Variants in NRG2 observed in about 807,000 individuals in gnomAD.
NRG2 encodes pro-neuregulin-2, membrane-bound isoform.
NRG2 carries 27 observed loss-of-function variants against 73.9 expected under a neutral mutation model. That is an observed-to-expected ratio of 0.37 (90% CI 0.27 to 0.50). The LOEUF is 0.50. Among genes scored for constraint, NRG2 ranks in the 20% least tolerant of loss-of-function variants. The pLI is 0.96. For missense variants in NRG2, 1,126 were observed against 1,210.1 expected, an observed-to-expected ratio of 0.93 and a Z score of 1.03; for synonymous variants, 532 against 541.0, an observed-to-expected ratio of 0.98 and a Z score of 0.23.
chr5:140,034,465 G>A (rs893389012), intron 1 of NRG2, among the ~76,000 whole-genome samples: 1 of 151,968 alleles, frequency 6.6e-6, no homozygotes, highest in Non-Finnish European at 1.5e-5. Flanking sequence ...ATTCAACATT[G>A]CACTTTGGCA....
At chr5:140,031,839 G>C (rs764861599) in intron 1 of NRG2, among the ~76,000 whole-genome samples, 11 of 152,124 alleles carry the variant, frequency 7.2e-5, no homozygotes, top group Non-Finnish European at 1.6e-4. Context: ...CTGAAAGGTG[G>C]TGTCTAACAG....
intron 1 of NRG2, among the ~76,000 whole-genome samples, chr5:139,925,146 T>C (rs1751958177): frequency 6.6e-6 from 1 of 152,132 alleles, no homozygotes; most frequent in African/African-American, 2.4e-5. Context: ...AGTTCATCCA[T>C]AAGTTCTATT....
At chr5:139,964,116 T>C (rs1243412906) in intron 1 of NRG2, among the ~76,000 whole-genome samples, 1 of 152,196 alleles carries the variant, frequency 6.6e-6, no homozygotes, top group African/African-American at 2.4e-5. Flanking sequence ...GCAGGACCAT[T>C]GGTCACAAAA....
chr5:139,905,233 CACAAACCA>C (rs1442777459), intron 1 of NRG2, among the ~76,000 whole-genome samples: 2 of 152,216 alleles, frequency 1.3e-5, no homozygotes. Flanking sequence ...GCCCCGGTCC[CACAAACCA>C]TTGGGTAGGG....
At chr5:140,038,110 C>T (rs1761645350) in intron 1 of NRG2, among the ~76,000 whole-genome samples, 1 of 151,426 alleles carries the variant, frequency 6.6e-6, no homozygotes, top group African/African-American at 2.4e-5. Flanking sequence ...GCTACAGCTC[C>T]AAAAATATAA....
intron 1 of NRG2, among the ~76,000 whole-genome samples, chr5:139,967,974 A>T (rs1212923058): frequency 1.4e-5 from 2 of 144,418 alleles, no homozygotes; most frequent in African/African-American, 5.2e-5. Context: ...ATAAAACATA[A>T]AAATAAATAA....
Position 139,848,005 on chromosome 5 carries a change from TAGTA to T in NRG2, c.2461_2464del (p.Tyr821ThrfsTer45). Reference sequence around the variant, plus strand: ...CCGCGTGCTGTGGCTGTCCAGTGAGTAGTAAGTCCTGCTGTCGGCCGCCGGGCAC... The same window carrying T: ...CCGCGTGCTGTGGCTGTCCAGTGAGTAGTCCTGCTGTCGGCCGCCGGGCAC... On this transcript the variant is annotated frameshift_variant, in exon 10 of 10. Coordinates refer to ENST00000361474, the MANE Select transcript of NRG2 (RefSeq NM_004883.3). LOFTEE classifies it high-confidence loss of function. 6.6e-7 allele frequency: 1 copy of T among 1,513,888 alleles called. No individual in the cohort carries two copies. The allele number at this position is 1,513,888 out of a possible 1,614,324, so 93.8% of individuals were successfully genotyped here. A position where few individuals can be genotyped will look rare whatever the true frequency, so the allele number is the denominator to read the frequency against.
intron 1 of NRG2, among the ~76,000 whole-genome samples, chr5:139,946,840 T>C (rs1753830825): frequency 6.6e-6 from 1 of 152,130 alleles, no homozygotes; most frequent in Non-Finnish European, 1.5e-5. Context: ...ATTTCTTCTT[T>C]GGAGAAATGT....
At chr5:139,964,361 C>CAT (rs1755323340) in intron 1 of NRG2, among the ~76,000 whole-genome samples, 1 of 98,572 alleles carries the variant, frequency 1.0e-5, no homozygotes, top group Non-Finnish European at 2.0e-5. Flanking sequence ...TACAGATACA[C>CAT]ACACACACAC....
intron 1 of NRG2, among the ~76,000 whole-genome samples, chr5:139,905,740 C>T (rs568315026): frequency 2.6e-5 from 4 of 152,124 alleles, no homozygotes; most frequent in South Asian, 2.1e-4. Flanking sequence ...TGAGGGAGAG[C>T]GAGTACCCAC....
chr5:139,850,633 C>T (rs558340679), intron 9 of NRG2, among the ~76,000 whole-genome samples: 61 of 152,344 alleles, frequency 4.0e-4, no homozygotes, highest in Non-Finnish European at 7.6e-4. Context: ...TTTCCCTGCT[C>T]ACCTCCTACA....
At position 139,967,039 on chromosome 5, in the gene NRG2, C is replaced by T. The variant is rs148547611; in HGVS notation, c.700+75331G>A. On this transcript the variant is annotated intron_variant, in intron 1 of 9. Transcript: ENST00000361474. Reference sequence around the variant, plus strand: ...TTGCCCCTTGCTCCGAGATATAACACCCAGGGGATTGCAGGAGACCTGAGA... The same window carrying T: ...TTGCCCCTTGCTCCGAGATATAACATCCAGGGGATTGCAGGAGACCTGAGA... Among the ~76,000 whole-genome samples, 438 of 152,244 alleles carry T rather than the reference C, an allele frequency of 2.9e-3. 1 individual carries two copies. The highest frequency in any genetic ancestry group is 0.01 in the African/African-American group (427 of 41,534).
chr5:140,027,738 A>C (rs1760812598), intron 1 of NRG2, among the ~76,000 whole-genome samples: 1 of 152,232 alleles, frequency 6.6e-6, no homozygotes. Context: ...GTGGTTTCGC[A>C]CATCCACTGG....
rs1313464507 is a variant in NRG2, at chr5:140,042,906, C to T, written c.164G>A (p.Ser55Asn). ...SSSRSSSNNS[S>N]ISRPAAPPEP... Reference sequence around the variant, plus strand: ...TGGGGGCGCAGCGGGACGAGAGATGCTGCTGTTGTTGCTGCTGCTCCTGCT... The same window carrying T: ...TGGGGGCGCAGCGGGACGAGAGATGTTGCTGTTGTTGCTGCTGCTCCTGCT... The change falls in exon 1 of 10, where the codon AGC (serine) becomes AAC (asparagine). Residue 55 changes from serine (S) to asparagine (N), a missense_variant. Coordinates refer to ENST00000361474, the MANE Select transcript of NRG2 (RefSeq NM_004883.3). 6.5e-7 allele frequency: 1 copy of T among 1,537,426 alleles called. No homozygotes were observed. Among genetic ancestry groups the T allele is most frequent in the Non-Finnish European group, 8.7e-7 (1 of 1,143,568 alleles).
chr5:139,888,965 G>A (rs1044783075), intron 1 of NRG2, among the ~76,000 whole-genome samples: 15 of 152,092 alleles, frequency 9.9e-5, no homozygotes, highest in Non-Finnish European at 1.5e-5. Flanking sequence ...TATGTGCCAG[G>A]CTCTATGTAT....
At chr5:139,980,254 A>G (rs1454094008) in intron 1 of NRG2, among the ~76,000 whole-genome samples, 1 of 152,094 alleles carries the variant, frequency 6.6e-6, no homozygotes, top group Non-Finnish European at 1.5e-5. Context: ...TGACTCTTGA[A>G]AACGGAGGGG....
intron 1 of NRG2, among the ~76,000 whole-genome samples, chr5:139,889,062 G>C (rs1764051700): frequency 6.6e-6 from 1 of 152,156 alleles, no homozygotes; most frequent in South Asian, 2.1e-4. Flanking sequence ...CTATAAGCAG[G>C]AGTATCTGGA....
chr5:139,877,380 C>G (rs1290622914), intron 3 of NRG2, among the ~76,000 whole-genome samples: 1 of 152,246 alleles, frequency 6.6e-6, no homozygotes, highest in East Asian at 1.9e-4. Flanking sequence ...GCCTGCTGCT[C>G]CCCAATGACC....
intron 1 of NRG2, among the ~76,000 whole-genome samples, chr5:140,002,243 A>G (rs55743345): frequency 6.6e-6 from 1 of 152,132 alleles, no homozygotes; most frequent in East Asian, 1.9e-4. Flanking sequence ...AAAAGACAAA[A>G]TTTTTTGTCC....
Sources: allele counts gnomAD v4.1 joint callset (sites outside exome capture counted in the v4.1 genomes callset), GRCh38; gene constraint gnomAD v4.1.1; transcripts MANE v1.5; gene names NCBI Gene and HGNC (gene_info 2026-07-23, HGNC 2026-07-21).